Variants in SNX29 observed in about 807,000 individuals in gnomAD.
SNX29 encodes sorting nexin 29.
In SNX29, 78 loss-of-function variants were observed where a neutral mutation model predicts 102.1. The ratio of observed to expected loss-of-function variants is 0.76; its 90% confidence interval spans 0.64 to 0.92. The LOEUF (loss-of-function observed/expected upper bound fraction) is 0.92, where lower values mean the gene tolerates loss of function less well. Ranked by LOEUF, SNX29 falls within the 40% of genes least tolerant of loss-of-function variation. SNX29 has a pLI of 0.00. For missense variants in SNX29, 1,280 were observed against 1,061.7 expected (o/e 1.21, Z -2.86); for synonymous variants, 580 against 414.5 (o/e 1.40, Z -4.85).
rs199792268 is a variant in SNX29 at position 12,505,666 on chromosome 16, G to A, written c.2179-19036G>A. 2.7e-5 allele frequency among the ~76,000 whole-genome samples: 4 copies of A among 146,254 alleles called. No individual in the cohort carries two copies. The East Asian group carries it at 6.3e-4, about 23-fold the overall frequency. On this transcript the variant is annotated intron_variant, in intron 19 of 20. Coordinates refer to ENST00000566228, the MANE Select transcript of SNX29 (RefSeq NM_032167.5). ...AGGTAGTAGCTGTTGGAATTGAAAA[G>A]TATGAGTCCTCCAGCTTTGTTCTTT...
intron 20 of SNX29, among the ~76,000 whole-genome samples, chr16:12,537,080 C>G (rs1262679523): frequency 1.3e-5 from 2 of 152,178 alleles, no homozygotes; most frequent in African/African-American, 4.8e-5. Flanking sequence ...TAGATTTATC[C>G]ATGTATCTCC....
At chr16:12,140,308 G>A (rs1287743962) in intron 13 of SNX29, among the ~76,000 whole-genome samples, 1 of 152,216 alleles carries the variant, frequency 6.6e-6, no homozygotes, top group Admixed American at 6.5e-5. Flanking sequence ...CAATGCCAGT[G>A]GGAGGAGAAG....
At chr16:12,219,675 G>C (rs1309921089) in intron 14 of SNX29, among the ~76,000 whole-genome samples, 1 of 152,112 alleles carries the variant, frequency 6.6e-6, no homozygotes, top group South Asian at 2.1e-4. Context: ...AAATTCATGC[G>C]TATTTTAACA....
In SNX29 at chr16:12,572,266, C is replaced by T. The variant is rs1223004311; in HGVS notation, c.*3637C>T. The T allele has an allele frequency of 2.1e-5, 22 of 1,059,480 alleles. No individual in the cohort carries two copies. Among genetic ancestry groups the T allele is most frequent in the Non-Finnish European group, 8.0e-6 (7 of 875,068 alleles). The allele number at this position is 1,059,480 out of a possible 1,614,324, so 65.6% of individuals were successfully genotyped here. ...AGGTGGATTGATACCATGGCTGTAG[C>T]TGATGCAACTAACAAGTACTGGGGC... is the stretch of plus-strand genomic sequence containing the variant. On this transcript the variant is annotated 3_prime_UTR_variant, in exon 21 of 21. Transcript: ENST00000566228.
At chr16:12,258,163 C>G (rs796288708) in intron 14 of SNX29, among the ~76,000 whole-genome samples, 4 of 152,286 alleles carry the variant, frequency 2.6e-5, no homozygotes, top group African/African-American at 9.6e-5. Context: ...GAAAGGCCTC[C>G]AACAGCTTTG....
At chr16:12,537,403 C>G (rs977526142) in intron 20 of SNX29, among the ~76,000 whole-genome samples, 2 of 152,214 alleles carry the variant, frequency 1.3e-5, no homozygotes, top group South Asian at 2.1e-4. Context: ...GCCAAACAGA[C>G]CTGGGCTCAA....
chr16:12,109,064 G>T (rs2053389718), intron 11 of SNX29, among the ~76,000 whole-genome samples: 2 of 144,958 alleles, frequency 1.4e-5, no homozygotes, highest in South Asian at 4.4e-4. Flanking sequence ...GGGAGCAGAG[G>T]TTGCAGTGAT....
Position 12,568,666 on chromosome 16 carries a change from C to A in SNX29, c.*37C>A. ...CCGCAGCCACGGGCCCTGTGCGTGG[C>A]ACCAGCTGCGTCCACCCCAGCCACT... On this transcript the variant is annotated 3_prime_UTR_variant, in exon 21 of 21. Coordinates refer to ENST00000566228, the MANE Select transcript of SNX29 (RefSeq NM_032167.5). 4 of 1,593,142 alleles carry A rather than the reference C, an allele frequency of 2.5e-6. No homozygotes were observed. Among genetic ancestry groups the A allele is most frequent in the Non-Finnish European group, 3.4e-6 (4 of 1,176,136 alleles).
intron 15 of SNX29, among the ~76,000 whole-genome samples, chr16:12,353,610 C>T (rs2082053193): frequency 6.6e-6 from 1 of 152,246 alleles, no homozygotes; most frequent in Non-Finnish European, 1.5e-5. Flanking sequence ...CTGCCAGCCT[C>T]TGGTGCCGGC....
intron 10 of SNX29, 120 bp from the exon 11 acceptor site, chr16:12,078,713 C>A: frequency 2.5e-6 from 2 of 805,286 alleles, no homozygotes; most frequent in Non-Finnish European, 4.2e-6. Flanking sequence ...TTTCCAATGA[C>A]TGCCTCTATC....
chr16:12,135,057 G>C (rs2054610704), intron 13 of SNX29, among the ~76,000 whole-genome samples: 1 of 152,186 alleles, frequency 6.6e-6, no homozygotes. Context: ...GGCAGGGGAA[G>C]AGCCATGTCC....
intron 14 of SNX29, among the ~76,000 whole-genome samples, chr16:12,208,925 C>G (rs1399594343): frequency 6.6e-6 from 1 of 151,714 alleles, no homozygotes; most frequent in Non-Finnish European, 1.5e-5. Flanking sequence ...TAGGTTGCAC[C>G]TTGGAAATGT....
intron 11 of SNX29, among the ~76,000 whole-genome samples, chr16:12,120,363 A>T (rs550763587): frequency 6.6e-6 from 1 of 152,236 alleles, no homozygotes; most frequent in Non-Finnish European, 1.5e-5. Flanking sequence ...AAAAGATGCT[A>T]TATAAAGCCA....
chr16:12,109,874 G>A (rs1388716013), intron 11 of SNX29, among the ~76,000 whole-genome samples: 1 of 152,146 alleles, frequency 6.6e-6, no homozygotes, highest in African/African-American at 2.4e-5. Flanking sequence ...GGGATTACAG[G>A]TGTGCACTAC....
chr16:12,207,681 C>T (rs1201958347), intron 14 of SNX29, among the ~76,000 whole-genome samples: 4 of 152,154 alleles, frequency 2.6e-5, no homozygotes, highest in Non-Finnish European at 5.9e-5. Context: ...CTTATGCTTG[C>T]TCAGGCCAGA....
chr16:12,200,930 C>G (rs2076900170), intron 14 of SNX29, among the ~76,000 whole-genome samples: 1 of 152,120 alleles, frequency 6.6e-6, no homozygotes. Flanking sequence ...ACAATGAATT[C>G]AGAGTTTCTA....
chr16:12,245,970 C>G (rs2078248944), intron 14 of SNX29, among the ~76,000 whole-genome samples: 1 of 152,160 alleles, frequency 6.6e-6, no homozygotes, highest in South Asian at 2.1e-4. Flanking sequence ...GGGATATTAA[C>G]AATGCTTAAT....
At chr16:12,508,903 C>T (rs895420935) in intron 19 of SNX29, among the ~76,000 whole-genome samples, 1 of 152,190 alleles carries the variant, frequency 6.6e-6, no homozygotes, top group Non-Finnish European at 1.5e-5. Flanking sequence ...GGAGTCCCTA[C>T]ACTGTGGGGT....
At chr16:12,017,812 G>C (rs2056895013) in intron 3 of SNX29, among the ~76,000 whole-genome samples, 1 of 152,010 alleles carries the variant, frequency 6.6e-6, no homozygotes, top group African/African-American at 2.4e-5. Context: ...TGGTTAAGCA[G>C]CCCATTCTGC....
Sources: allele counts gnomAD v4.1 joint callset (sites outside exome capture counted in the v4.1 genomes callset), GRCh38; gene constraint gnomAD v4.1.1; transcripts MANE v1.5; gene names NCBI Gene and HGNC (gene_info 2026-07-23, HGNC 2026-07-21).